PATJ: variants seen among roughly 807,000 people sequenced by gnomAD.
PATJ encodes the protein inaD-like protein.
PATJ carries 190 observed loss-of-function variants against 224.9 expected under a neutral mutation model. That is an observed-to-expected ratio of 0.84 (90% CI 0.75 to 0.95). PATJ has a LOEUF of 0.95. Among genes scored for constraint, PATJ ranks in the 40% least tolerant of loss-of-function variants. The pLI, the probability that PATJ is intolerant of heterozygous loss-of-function variation, is 0.00. For missense variants in PATJ, 2,121 were observed against 2,270.3 expected (o/e 0.93, Z 1.34); for synonymous variants, 769 against 820.3 (o/e 0.94, Z 1.07).
At chr1:61,868,278 C>T (rs1665725579) in intron 20 of PATJ, among the ~76,000 whole-genome samples, 1 of 152,210 alleles carries the variant, frequency 6.6e-6, no homozygotes, top group Admixed American at 6.5e-5. Flanking sequence ...CACTGAAACT[C>T]TACTCATTAA....
chr1:61,867,261 GT>G (rs1392408779), intron 20 of PATJ, among the ~76,000 whole-genome samples: 2 of 152,160 alleles, frequency 1.3e-5, no homozygotes, highest in Admixed American at 6.5e-5. Flanking sequence ...TTGTTAAAGT[GT>G]TCTTCAAGAG....
At chr1:61,758,480 C>G (rs1023066263) in intron 1 of PATJ, among the ~76,000 whole-genome samples, 3 of 152,114 alleles carry the variant, frequency 2.0e-5, no homozygotes, top group African/African-American at 7.2e-5. Flanking sequence ...TCCCGAATAG[C>G]TGGGATATCA....
At chr1:61,895,490 C>G (rs12140462) in intron 22 of PATJ, among the ~76,000 whole-genome samples, 94,503 of 152,176 alleles carry the variant, frequency 0.62, 30,209 homozygotes, top group Middle Eastern at 0.7. Flanking sequence ...GGCTAAAAGG[C>G]GCCAAGGTAC....
At chr1:61,784,465 C>T (rs1235559977) in intron 7 of PATJ, among the ~76,000 whole-genome samples, 1 of 152,152 alleles carries the variant, frequency 6.6e-6, no homozygotes, top group Non-Finnish European at 1.5e-5. Context: ...ATGAATTCTT[C>T]AGAACACCTG....
chr1:62,158,610 A>G (rs141462313), intron 43 of PATJ, among the ~76,000 whole-genome samples: 2,432 of 147,124 alleles, frequency 0.017, 106 homozygotes, highest in African/African-American at 0.056. Context: ...AGTCCCAGCT[A>G]CTCGGGAGGC....
intron 7 of PATJ, among the ~76,000 whole-genome samples, chr1:61,783,947 T>C (rs1358806258): frequency 6.6e-6 from 1 of 152,010 alleles, no homozygotes; most frequent in African/African-American, 2.4e-5. Flanking sequence ...TTTCACCATG[T>C]TGGCCAGGCT....
intron 3 of PATJ, among the ~76,000 whole-genome samples, chr1:61,763,637 A>G (rs535477716): frequency 6.6e-6 from 1 of 152,120 alleles, no homozygotes; most frequent in Non-Finnish European, 1.5e-5. Context: ...CTTCAAAACT[A>G]TAAAATAGTG....
chr1:61,996,278 T>G (rs1226102099), intron 28 of PATJ, among the ~76,000 whole-genome samples: 2 of 152,202 alleles, frequency 1.3e-5, no homozygotes, highest in Non-Finnish European at 2.9e-5. Flanking sequence ...CCATAAAAGT[T>G]AAATGACTGG....
Position 61,914,579 on chromosome 1 carries a change from C to T in PATJ, c.3493-8C>T. On this transcript the variant is annotated splice_polypyrimidine_tract_variant and splice_region_variant and intron_variant, in intron 25 of 43. Coordinates refer to ENST00000642238, the MANE Select transcript of PATJ (RefSeq NM_001350145.3). ...TTCTTCCCCCCACCCCTTTTTTTGT[C>T]ACCATAGGTCATTCCTAACGTACAT... 1.4e-6 allele frequency: 2 copies of T among 1,398,656 alleles called. No individual in the cohort carries two copies. Among genetic ancestry groups the T allele is most frequent in the Non-Finnish European group, 2.0e-6 (2 of 1,011,068 alleles). The allele number at this position is 1,398,656 out of a possible 1,614,324, so 86.6% of individuals were successfully genotyped here. A position where few individuals can be genotyped will look rare whatever the true frequency, so the allele number is the denominator to read the frequency against.
chr1:62,082,850 C>A (rs573578601), intron 32 of PATJ, among the ~76,000 whole-genome samples: 147 of 152,082 alleles, frequency 9.7e-4, no homozygotes, highest in African/African-American at 3.3e-3. Flanking sequence ...AGTCCGCTGA[C>A]CCCTGCTTTT....
At chr1:61,779,493 G>A (rs1647126196) in intron 7 of PATJ, among the ~76,000 whole-genome samples, 1 of 152,168 alleles carries the variant, frequency 6.6e-6, no homozygotes, top group Non-Finnish European at 1.5e-5. Context: ...TCAACTGTTT[G>A]TATATGCTAA....
In PATJ at chr1:62,079,302, CCTAA is replaced by C. The variant is rs1658862707; in HGVS notation, c.4126-145_4126-142del. 5.0e-6 allele frequency: 3 copies of C among 596,062 alleles called. No homozygotes were observed. In the South Asian group the frequency reaches 6.3e-5, roughly 12 times the overall value. The allele number at this position is 596,062 out of a possible 1,614,324, so 36.9% of individuals were successfully genotyped here. On this transcript the variant is annotated intron_variant, in intron 31 of 43. Coordinates refer to ENST00000642238, the MANE Select transcript of PATJ (RefSeq NM_001350145.3). ...GAATGAGGAACGAGGCATAAATCATCCTAACTTCTTGCCACCCTCCAACCTTATA... is the reference window on the plus strand; with the variant it reads ...GAATGAGGAACGAGGCATAAATCATCCTTCTTGCCACCCTCCAACCTTATA...
At chr1:61,910,536 CTTTTTTTTTTT>C (rs71050181) in intron 25 of PATJ, among the ~76,000 whole-genome samples, 1,205 of 42,272 alleles carry the variant, frequency 0.029, 28 homozygotes, top group Non-Finnish European at 0.04. Context: ...CAAAGTGACT[CTTTTTTTTTTT>C]TTTTTTTTTT....
chr1:62,143,176 A>G (rs867591713), intron 41 of PATJ, among the ~76,000 whole-genome samples: 14 of 152,234 alleles, frequency 9.2e-5, no homozygotes, highest in African/African-American at 1.9e-4. Context: ...GCGATCAGCT[A>G]TATGGCTGGC....
intron 14 of PATJ, among the ~76,000 whole-genome samples, chr1:61,817,832 A>T (rs6700692): frequency 6.6e-6 from 1 of 151,892 alleles, no homozygotes; most frequent in Non-Finnish European, 1.5e-5. Flanking sequence ...ATTCTTGAAA[A>T]GTTTGTTTTT....
chr1:61,829,954 A>T (rs942491454), intron 16 of PATJ, among the ~76,000 whole-genome samples: 1 of 152,208 alleles, frequency 6.6e-6, no homozygotes, highest in African/African-American at 2.4e-5. Flanking sequence ...AAATATGCAG[A>T]GGTTATTGAT....
rs6681983 is a variant in PATJ, at chr1:61,990,310, G to A, written c.3813G>A (p.Pro1271=). The A allele has an allele frequency of 2.7e-3, 4,302 of 1,613,668 alleles. 93 individuals carry two copies. The African/African-American group carries it at 0.046, about 17-fold the overall frequency. Residue 1271 remains proline, a synonymous_variant, in exon 28 of 44, where the codon CCG becomes CCA. Coordinates refer to ENST00000642238, the MANE Select transcript of PATJ (RefSeq NM_001350145.3). ...GCATATTTGTGGTGGGAATTAACCC[G>A]GAAGGACCTGCTGCCGCAGATGGAC... ...RMSIFVVGIN[P]EGPAAADGRM... is the part of the protein sequence containing the mutation.
intron 30 of PATJ, among the ~76,000 whole-genome samples, chr1:62,046,764 A>G (rs1051639039): frequency 3.9e-5 from 6 of 152,226 alleles, no homozygotes; most frequent in African/African-American, 1.4e-4. Context: ...AAAAGATACA[A>G]TGGAACAAGT....
intron 38 of PATJ, among the ~76,000 whole-genome samples, chr1:62,122,087 G>T (rs1009906271): frequency 4.6e-5 from 7 of 151,974 alleles, no homozygotes; most frequent in African/African-American, 1.7e-4. Context: ...TGACTCAGCC[G>T]GGCCCGGTGG....
Sources: gnomAD v4.1 joint callset for allele counts (sites outside exome capture counted in the v4.1 genomes callset) on GRCh38, gnomAD v4.1.1 for gene constraint, MANE v1.5 for transcripts, NCBI Gene and HGNC (gene_info 2026-07-23, HGNC 2026-07-21) for gene names.